GH1: variants seen among roughly 807,000 people sequenced by gnomAD.
The protein encoded by GH1 is somatotropin.
GH1 carries 13 observed loss-of-function variants against 24.5 expected under a neutral mutation model. That is an observed-to-expected ratio of 0.53 (90% CI 0.35 to 0.85). The LOEUF is 0.85. Among genes scored for constraint, GH1 ranks in the 40% least tolerant of loss-of-function variants. GH1 has a pLI of 0.01. For synonymous variants in GH1, 126 were observed against 116.3 expected, an observed-to-expected ratio of 1.08 and a Z score of -0.54; for missense variants, 294 against 273.2, an observed-to-expected ratio of 1.08 and a Z score of -0.54.
At position 63,917,979 on chromosome 17, in the gene GH1, C is replaced by G. The variant is rs748754824; in HGVS notation, c.291+38G>C. ...CTGCCCGGGGGCTCTGACTACAGGTCTCCCCCATCCCCGCCTGGGGAGAAG... is the reference window on the plus strand; with the variant it reads ...CTGCCCGGGGGCTCTGACTACAGGTGTCCCCCATCCCCGCCTGGGGAGAAG... On this transcript the variant is annotated intron_variant, in intron 3 of 4. Transcript: ENST00000323322. The G allele has an allele frequency of 4.3e-6, 7 of 1,614,220 alleles. No individual in the cohort carries two copies. In the East Asian group the frequency reaches 1.3e-4, roughly 31 times the overall value.
chr17:63,917,611 C>T (rs1907415248), intron 4 of GH1, 105 bp from the exon 5 acceptor site: 11 of 1,613,808 alleles, frequency 6.8e-6, no homozygotes, highest in Non-Finnish European at 9.3e-6. Flanking sequence ...TAGAGAAAGG[C>T]CTGGAGGATT....
chr17:63,917,540 C>A, intron 4 of GH1, 34 bp from the exon 5 acceptor site: 2 of 1,613,986 alleles, frequency 1.2e-6, no homozygotes, highest in Non-Finnish European at 1.7e-6. Context: ...AGAGGCCAAG[C>A]GCTTGGGTAC....
At position 63,917,429 on chromosome 17, in the gene GH1, G is replaced by A. The variant is rs1356772497; in HGVS notation, c.534C>T (p.Asn178=). ...CGTAGTTCTTGAGTAGTGCGTCATCGTTGTGTGAGTTTGTGTCGAACTTGC... is the reference window on the plus strand; with the variant it reads ...CGTAGTTCTTGAGTAGTGCGTCATCATTGTGTGAGTTTGTGTCGAACTTGC... ...TYSKFDTNSH[N]DDALLKNYGL... The change falls in exon 5 of 5, where the codon AAC becomes AAT. Residue 178 remains asparagine, a synonymous_variant. Coordinates refer to ENST00000323322, the MANE Select transcript of GH1 (RefSeq NM_000515.5). The A allele has an allele frequency of 1.3e-5, 21 of 1,613,822 alleles. No individual in the cohort carries two copies. The highest frequency in any genetic ancestry group is 1.6e-4 in the Middle Eastern group (1 of 6,080).
chr17:63,917,453 G>T lies in GH1; in HGVS notation c.510C>A (p.Ser170Arg). ...CGTTGTGTGAGTTTGTGTCGAACTT[G>T]CTGTAGGTCTGCTTGAAGATCTGCC... ...RTGQIFKQTY[S>R]KFDTNSHNDD... The change falls in exon 5 of 5, where the codon AGC (serine) becomes AGA (arginine). Residue 170 changes from serine to arginine, a missense_variant. Physicochemically the swap from Ser to Arg is moderately radical, Grantham distance 110 (BLOSUM62 -1). Transcript: ENST00000323322. 1 of 1,614,000 alleles carries T rather than the reference G, an allele frequency of 6.2e-7. No homozygotes were observed. Among genetic ancestry groups the T allele is most frequent in the Non-Finnish European group, 8.5e-7 (1 of 1,179,876 alleles).
In GH1 at chr17:63,917,781, T is replaced by A. The variant is rs747139860; in HGVS notation, c.435A>T (p.Glu145Asp). Residue 145 changes from glutamate to aspartate, a missense_variant, in exon 4 of 5, where the codon GAA (glutamate) becomes GAT (aspartate). Transcript: ENST00000323322. ...NVYDLLKDLEEGIQTLMGRLE... is the reference protein window; with the variant it reads ...NVYDLLKDLEDGIQTLMGRLE... ...TCACCCCCATCAGCGTTTGGATGCC[T>A]TCCTCTAGGTCCTTTAGGAGGTCAT... 5.0e-6 allele frequency: 8 copies of A among 1,614,194 alleles called. No homozygotes were observed. Among genetic ancestry groups the A allele is most frequent in the African/African-American group, 1.3e-5 (1 of 75,038 alleles).
At chr17:63,918,189 T>A in intron 2 of GH1, 53 bp from the exon 3 acceptor site, 1 of 1,614,066 alleles carries the variant, frequency 6.2e-7, no homozygotes, top group Non-Finnish European at 8.5e-7. Flanking sequence ...CTCCCATTGT[T>A]ACTTTTCTGG....
chr17:63,917,203 T>C lies in GH1; in HGVS notation c.*106A>G. 1.3e-6 allele frequency: 2 copies of C among 1,573,182 alleles called. No homozygotes were observed. The highest frequency in any genetic ancestry group is 1.7e-6 in the Non-Finnish European group (2 of 1,149,402). ...TAGAAGGACACCTAGTCAGACAAAA[T>C]GATGCAACTTAATTTTATTAGGACA... On this transcript the variant is annotated 3_prime_UTR_variant, in exon 5 of 5. Transcript: ENST00000323322.
intron 1 of GH1, 33 bp downstream of exon 1, chr17:63,918,734 C>G: frequency 5.6e-6 from 9 of 1,613,846 alleles, no homozygotes; most frequent in Non-Finnish European, 7.6e-6. Context: ...CCTCAGGACA[C>G]ATTGTGCCCA....
rs369888723 is a variant in GH1, at chr17:63,917,744, C to A, written c.456+16G>T. ...AGTGGGGCTCCAGGATTGGGGACCC[C>A]TGGCGCCACCCTCACCCCCATCAGC... On this transcript the variant is annotated intron_variant, in intron 4 of 4. Transcript: ENST00000323322. 1 of 1,614,184 alleles carries A rather than the reference C, an allele frequency of 6.2e-7. No homozygotes were observed. The highest frequency in any genetic ancestry group is 1.1e-5 in the South Asian group (1 of 91,078).
chr17:63,918,709 G>C, intron 1 of GH1, 58 bp downstream of exon 1: 2 of 1,613,242 alleles, frequency 1.2e-6, no homozygotes, highest in Non-Finnish European at 1.7e-6. Context: ...CCCATCTACA[G>C]GTCGCTGCCT....
chr17:63,918,501 G>T lies in GH1; in HGVS notation c.16C>A (p.Arg6=), dbSNP rs140576665. MATGS[R]TSLLLAFGLL... Reference sequence around the variant, plus strand: ...CCAAAAGCCAGGAGCAGGGACGTCCGGGAGCCTGGGGAGAAACCAGAGGGC... The same window carrying T: ...CCAAAAGCCAGGAGCAGGGACGTCCTGGAGCCTGGGGAGAAACCAGAGGGC... The change falls in exon 2 of 5, where the codon CGG becomes AGG. Residue 6 remains arginine, a synonymous_variant. Transcript: ENST00000323322. 5.7e-4 allele frequency: 917 copies of T among 1,613,980 alleles called. 1 individual carries two copies. Among genetic ancestry groups the T allele is most frequent in the Middle Eastern group, 4.4e-3 (26 of 5,972 alleles).
In GH1 at chr17:63,918,366, A is replaced by T. The variant is rs778408321; in HGVS notation, c.151T>A (p.Phe51Ile). ...CTTACAAACTCCTGGTAGGTGTCAA[A>T]GGCCAGCTGGTGCAGACGATGGGCG... ...LRAHRLHQLA[F>I]DTYQEFEEAY... Residue 51 changes from phenylalanine (F) to isoleucine (I), a missense_variant, in exon 2 of 5, where the codon TTT becomes ATT. By Grantham distance (21) the Phe-to-Ile change is conservative. Transcript: ENST00000323322. 3.1e-6 allele frequency: 5 copies of T among 1,614,066 alleles called. No homozygotes were observed. The South Asian group carries it at 4.4e-5, about 14-fold the overall frequency.
In GH1 at chr17:63,918,357, A is replaced by G. The variant is rs780939487; in HGVS notation, c.160T>C (p.Tyr54His). The change falls in exon 2 of 5, where the codon TAC becomes CAC. Residue 54 changes from tyrosine to histidine, a missense_variant. By Grantham distance (83) the Tyr-to-His change is moderately conservative (BLOSUM62 2). Transcript: ENST00000323322. ...CCCCAAGAGCTTACAAACTCCTGGT[A>G]GGTGTCAAAGGCCAGCTGGTGCAGA... ...HRLHQLAFDT[Y>H]QEFEEAYIPK... is the part of the protein sequence containing the mutation. The G allele has an allele frequency of 1.2e-6, 2 of 1,614,168 alleles. No individual in the cohort carries two copies. The highest frequency in any genetic ancestry group is 1.7e-6 in the Non-Finnish European group (2 of 1,180,006).
chr17:63,918,119 T>C lies in GH1; in HGVS notation c.189A>G (p.Pro63=), dbSNP rs778492342. 17 of 1,614,052 alleles carry C rather than the reference T, an allele frequency of 1.1e-5. No individual in the cohort carries two copies. Among genetic ancestry groups the C allele is most frequent in the South Asian group, 2.2e-5 (2 of 91,082 alleles). ...GCAGGAATGAATACTTCTGTTCCTT[T>C]GGGATATAGGCTTCTTCCTAGGAGA... The part of the protein sequence containing the change: ...TYQEFEEAYI[P]KEQKYSFLQN... The change falls in exon 3 of 5, where the codon CCA becomes CCG. Residue 63 remains proline, a synonymous_variant. Coordinates refer to ENST00000323322, the MANE Select transcript of GH1 (RefSeq NM_000515.5).
chr17:63,918,630 G>A lies in GH1; in HGVS notation c.11-124C>T. 10 of 1,609,304 alleles carry A rather than the reference G, an allele frequency of 6.2e-6. No individual in the cohort carries two copies. In the South Asian group the frequency reaches 1.1e-4, roughly 18 times the overall value. ...AGGGACCAGGAGCTTTCTGAGATTG[G>A]CCAAATACTGGGCTTACATGGCGAT... On this transcript the variant is annotated intron_variant, in intron 1 of 4. Coordinates refer to ENST00000323322, the MANE Select transcript of GH1 (RefSeq NM_000515.5).
chr17:63,917,534 G>A, intron 4 of GH1, 28 bp from the exon 5 acceptor site: 1 of 1,613,944 alleles, frequency 6.2e-7, no homozygotes, highest in South Asian at 1.1e-5. Context: ...AGAAGGAGAG[G>A]CCAAGCGCTT....
At chr17:63,917,996 G>A in intron 3 of GH1, 21 bp downstream of exon 3, 1 of 1,614,212 alleles carries the variant, frequency 6.2e-7, no homozygotes, top group Non-Finnish European at 8.5e-7. Flanking sequence ...ATCCCCGCCT[G>A]GGGAGAAGGC....
chr17:63,918,730 G>A, intron 1 of GH1, 37 bp downstream of exon 1: 1 of 1,613,760 alleles, frequency 6.2e-7, no homozygotes, highest in Non-Finnish European at 8.5e-7. Flanking sequence ...CTCCCCTCAG[G>A]ACACATTGTG....
rs755101832 is a variant in GH1, at chr17:63,917,505, C to G, written c.458G>C (p.Arg153Thr). The G allele has an allele frequency of 1.9e-6, 3 of 1,613,814 alleles. No individual in the cohort carries two copies. Among genetic ancestry groups the G allele is most frequent in the Non-Finnish European group, 2.5e-6 (3 of 1,179,866 alleles). Residue 153 changes from arginine to threonine, a missense_variant and splice_region_variant, in exon 5 of 5, where the codon AGG becomes ACG. Transcript: ENST00000323322. Reference protein sequence around the residue: ...LEEGIQTLMGRLEDGSPRTGQ... With the variant: ...LEEGIQTLMGTLEDGSPRTGQ... ...AGTCCGGGGGCTGCCATCTTCCAGCCTCTGCAAAGTGAAGGAAGAGAAGGA... is the reference window on the plus strand; with the variant it reads ...AGTCCGGGGGCTGCCATCTTCCAGCGTCTGCAAAGTGAAGGAAGAGAAGGA...
Sources: gnomAD v4.1 joint callset for allele counts on GRCh38, gnomAD v4.1.1 for gene constraint, MANE v1.5 for transcripts, NCBI Gene and HGNC (gene_info 2026-07-23, HGNC 2026-07-21) for gene names.